The following SGCD variants were observed in gnomAD, a reference collection of about 807,000 sequenced individuals.
SGCD encodes the protein delta-sarcoglycan.
Under a neutral mutation model 36.6 loss-of-function variants are expected in SGCD, and 18 were observed. The observed-to-expected ratio is 0.49, with a 90% CI of 0.34 to 0.73. SGCD has a LOEUF of 0.73. Among genes scored for constraint, SGCD ranks in the 30% least tolerant of loss-of-function variants. SGCD has a pLI of 0.01. For synonymous variants in SGCD, 133 were observed against 130.6 expected, an observed-to-expected ratio of 1.02 and a Z score of -0.12; for missense variants, 387 against 346.7, an observed-to-expected ratio of 1.12 and a Z score of -0.92.
intron 4 of SGCD, among the ~76,000 whole-genome samples, chr5:156,540,814 C>T (rs1425916625): frequency 6.6e-6 from 1 of 152,128 alleles, no homozygotes; most frequent in Non-Finnish European, 1.5e-5. Context: ...AGGCAATTGA[C>T]CACTTTTCCC....
intron 4 of SGCD, among the ~76,000 whole-genome samples, chr5:156,519,396 A>G (rs1478727448): frequency 6.6e-6 from 1 of 152,096 alleles, no homozygotes. Context: ...AACAAAAAAG[A>G]AAAAGCCCAG....
At chr5:155,738,807 AAG>A in the SGCD span, among the ~76,000 whole-genome samples, 1,449 of 141,386 alleles carry the variant, frequency 0.01, 32 homozygotes, top group African/African-American at 0.036. Flanking sequence ...TAGTGTGTGT[AAG>A]AGAGTGTGTG....
chr5:156,007,135 CT>C (rs1321892561), intron 1 of SGCD, among the ~76,000 whole-genome samples: 7 of 152,206 alleles, frequency 4.6e-5, no homozygotes, highest in African/African-American at 1.7e-4. Flanking sequence ...AGACTCACCC[CT>C]AATCCTTCGG....
Position 156,223,368 on chromosome 5 carries a change from A to C in SGCD, c.-44+99349A>C, listed in dbSNP as rs561749201. Among the ~76,000 whole-genome samples the C allele has an allele frequency of 1.5e-3, 221 of 152,190 alleles. 1 individual carries two copies. Among genetic ancestry groups the C allele is most frequent in the Non-Finnish European group, 1.8e-3 (119 of 67,994 alleles). ...TACCTAGAAACAGGATCTTATTACG[A>C]TTGTTAATGTGGTATGAAAATCACC... On this transcript the variant is annotated intron_variant, in intron 3 of 9. Coordinates refer to the SGCD transcript ENST00000517913.
At chr5:156,101,746 T>C (rs995333514) in intron 1 of SGCD, among the ~76,000 whole-genome samples, 1 of 152,198 alleles carries the variant, frequency 6.6e-6, no homozygotes, top group African/African-American at 2.4e-5. Flanking sequence ...TGCATGGAAG[T>C]TCTATATTTT....
In SGCD at chr5:156,284,507, G is replaced by C. The variant is rs561615918; in HGVS notation, c.-43-45027G>C. Among the ~76,000 whole-genome samples, 10 of 152,200 alleles carry C rather than the reference G, an allele frequency of 6.6e-5. No individual in the cohort carries two copies. In the South Asian group the frequency reaches 8.3e-4, roughly 13 times the overall value. On this transcript the variant is annotated intron_variant, in intron 3 of 9. Coordinates refer to the SGCD transcript ENST00000517913. ...GTGGGCTTCATCCCTGGGGTGCAAG[G>C]CTGGTTCAACATACGCAAATCAATA...
At chr5:156,153,644 T>G (rs1406561962) in intron 3 of SGCD, among the ~76,000 whole-genome samples, 3 of 151,754 alleles carry the variant, frequency 2.0e-5, no homozygotes, top group South Asian at 4.1e-4. Flanking sequence ...TAATTATGCC[T>G]CCATTAGTAT....
intron 3 of SGCD, among the ~76,000 whole-genome samples, chr5:156,208,674 C>A (rs57229190): frequency 0.22 from 33,503 of 152,126 alleles, 4,334 homozygotes; most frequent in East Asian, 0.62. Context: ...GAATATGATA[C>A]TTATTGTGTT....
chr5:156,538,594 T>C (rs1758218340), intron 4 of SGCD, among the ~76,000 whole-genome samples: 2 of 152,250 alleles, frequency 1.3e-5, no homozygotes, highest in South Asian at 4.1e-4. Context: ...GACACCTTCA[T>C]TTCTTCTCAC....
chr5:156,463,262 T>G lies in SGCD; in HGVS notation c.193-45339T>G, dbSNP rs546885102. Among the ~76,000 whole-genome samples, 99 of 152,280 alleles carry G rather than the reference T, an allele frequency of 6.5e-4. 1 individual carries two copies. The highest frequency in any genetic ancestry group is 2.2e-3 in the African/African-American group (93 of 41,562). On this transcript the variant is annotated intron_variant, in intron 3 of 8. Transcript: ENST00000337851. ...TTTCACTGTGTTAGCCAGGATGGTC[T>G]CGATCTCCTGACCTTGTGATCTGCC... is the stretch of plus-strand genomic sequence containing the variant.
At chr5:155,915,289 C>A (rs1324726111) in intron 1 of SGCD, among the ~76,000 whole-genome samples, 1 of 152,140 alleles carries the variant, frequency 6.6e-6, no homozygotes, top group African/African-American at 2.4e-5. Context: ...TGTGTCTATG[C>A]TTCATACACA....
intron 6 of SGCD, among the ~76,000 whole-genome samples, chr5:156,603,601 G>A (rs925948266): frequency 1.3e-5 from 2 of 151,850 alleles, no homozygotes; most frequent in African/African-American, 4.8e-5. Flanking sequence ...CTCAGGCTTT[G>A]GCATGATGTG....
intron 3 of SGCD, among the ~76,000 whole-genome samples, chr5:156,429,220 C>T (rs1258832744): frequency 2.0e-5 from 3 of 148,626 alleles, no homozygotes; most frequent in African/African-American, 4.9e-5. Flanking sequence ...GTGATACCTT[C>T]CTGTTGGACA....
intron 3 of SGCD, among the ~76,000 whole-genome samples, chr5:156,488,270 A>T (rs1315327474): frequency 6.6e-6 from 1 of 152,000 alleles, no homozygotes; most frequent in Non-Finnish European, 1.5e-5. Flanking sequence ...GTAATAGCTA[A>T]AAGCTTTTCA....
chr5:156,237,674 A>G (rs1765201455), intron 3 of SGCD, among the ~76,000 whole-genome samples: 1 of 152,156 alleles, frequency 6.6e-6, no homozygotes. Flanking sequence ...GGGACAGAGG[A>G]TCCTATTAAT....
chr5:155,746,033 T>C, the SGCD span, among the ~76,000 whole-genome samples: 1 of 152,112 alleles, frequency 6.6e-6, no homozygotes, highest in African/African-American at 2.4e-5. Flanking sequence ...ACCGAAATAT[T>C]TATAAAAACA....
intron 7 of SGCD, among the ~76,000 whole-genome samples, chr5:156,719,831 T>C (rs537334395): frequency 1.3e-5 from 2 of 152,208 alleles, no homozygotes; most frequent in East Asian, 3.9e-4. Flanking sequence ...AAACTTTTTT[T>C]TTTTTTTTTG....
Position 156,629,347 on chromosome 5 carries a change from G to A in SGCD, c.503-18117G>A, listed in dbSNP as rs527376424. Among the ~76,000 whole-genome samples the A allele has an allele frequency of 8.5e-5, 13 of 152,202 alleles. No individual in the cohort carries two copies. The South Asian group carries it at 2.5e-3, about 29-fold the overall frequency. ...GATAATAAATGGGAAGAAAGCAGGA[G>A]GACCACAGAATAATGAGTTCATGCT... On this transcript the variant is annotated intron_variant, in intron 6 of 8. Transcript: ENST00000337851.
chr5:155,998,519 GT>G (rs1385024918), intron 1 of SGCD, among the ~76,000 whole-genome samples: 1 of 152,038 alleles, frequency 6.6e-6, no homozygotes. Context: ...TCAGAAAAAT[GT>G]GAAGAATTTT....
Sources: allele counts gnomAD v4.1 joint callset (sites outside exome capture counted in the v4.1 genomes callset), GRCh38; gene constraint gnomAD v4.1.1; transcripts MANE v1.5; gene names NCBI Gene and HGNC (gene_info 2026-07-23, HGNC 2026-07-21).